Variants in RET observed in about 807,000 individuals in gnomAD.
RET encodes ret proto-oncogene.
In RET, 19 loss-of-function variants were observed where a neutral mutation model predicts 118.3. The ratio of observed to expected loss-of-function variants is 0.16; its 90% CI spans 0.11 to 0.24. RET has a LOEUF of 0.24. RET is among the 10% of genes least tolerant of loss of function. RET has a pLI of 1.00. For missense variants in RET, 1,219 were observed against 1,502.1 expected, an observed-to-expected ratio of 0.81 and a Z score of 3.12; for synonymous variants, 597 against 644.1, an observed-to-expected ratio of 0.93 and a Z score of 1.11.
At chr10:43,120,270 C>T (rs1320392231) in intron 15 of RET, 67 bp downstream of exon 15, 13 of 1,596,018 alleles carry the variant, frequency 8.1e-6, no homozygotes, top group Admixed American at 1.7e-5. Flanking sequence ...CAGGCAGTGC[C>T]CTTGGGAAGC....
Position 43,130,094 on chromosome 10 carries a change from A to T in RET, c.*1825A>T. 1 of 398,084 alleles carries T rather than the reference A, an allele frequency of 2.5e-6. No homozygotes were observed. The allele number at this position is 398,084 out of a possible 1,614,324, so 24.7% of individuals were successfully genotyped here. A position where few individuals can be genotyped will look rare whatever the true frequency, so the allele number is the denominator to read the frequency against. ...TGGGGAATTTATCCTTGACCAATTT[A>T]TCCTTGACCAATAACCTAATTGTCT... On this transcript the variant is annotated 3_prime_UTR_variant, in exon 20 of 20. Coordinates refer to ENST00000355710, the MANE Select transcript of RET (RefSeq NM_020975.6).
chr10:43,105,213 G>A lies in RET; in HGVS notation c.867+20G>A, dbSNP rs768880592. 1 of 1,612,508 alleles carries A rather than the reference G, an allele frequency of 6.2e-7. No individual in the cohort carries two copies. Among genetic ancestry groups the A allele is most frequent in the African/African-American group, 1.3e-5 (1 of 75,036 alleles). ...AAGGAGGTGCTTGTCCGCGCGTGCTGTGGTCTACCCAGTGTCTGTCTCCGG... is the reference window on the plus strand; with the variant it reads ...AAGGAGGTGCTTGTCCGCGCGTGCTATGGTCTACCCAGTGTCTGTCTCCGG... On this transcript the variant is annotated intron_variant, in intron 4 of 19. Transcript: ENST00000355710.
At position 43,130,248 on chromosome 10, in the gene RET, T is replaced by C. The variant is rs1270603112; in HGVS notation, c.*1979T>C. The C allele has an allele frequency of 1.0e-5, 4 of 384,208 alleles. No individual in the cohort carries two copies. The highest frequency in any genetic ancestry group is 1.4e-5 in the Non-Finnish European group (3 of 217,882). 23.8% of individuals were successfully genotyped at this position (384,208 alleles called of 1,614,324 possible). A position where few individuals can be genotyped will look rare whatever the true frequency, so the allele number is the denominator to read the frequency against. On this transcript the variant is annotated 3_prime_UTR_variant, in exon 20 of 20. Coordinates refer to ENST00000355710, the MANE Select transcript of RET (RefSeq NM_020975.6). Reference sequence around the variant, plus strand: ...GTAATCTGTCAGTTATTAAAATTTGTAAAATCTATTTATGAAAGGTCATTA... The same window carrying C: ...GTAATCTGTCAGTTATTAAAATTTGCAAAATCTATTTATGAAAGGTCATTA...
At chr10:43,109,558 G>C (rs114515118) in intron 6 of RET, among the ~76,000 whole-genome samples, 2,407 of 152,346 alleles carry the variant, frequency 0.016, 56 homozygotes, top group African/African-American at 0.054. Flanking sequence ...ATTGGTGAGA[G>C]TGGCTTGCAG....
intron 3 of RET, chr10:43,102,889 G>T: frequency 1.8e-6 from 1 of 569,214 alleles, no homozygotes; most frequent in Non-Finnish European, 3.1e-6. Flanking sequence ...GTCTGAGCAT[G>T]CCAAGGAAAT....
In RET at chr10:43,111,440, G is replaced by T. The variant is rs1416343458; in HGVS notation, c.1497G>T (p.Gln499His). Residue 499 changes from glutamine to histidine, a missense_variant, in exon 7 of 20, where the codon CAG becomes CAT. Gln to His is a conservative substitution (Grantham distance 24). This residue lies in a region of RET where 850 missense variants were observed against 969.6 expected (regional missense o/e 0.88). Transcript: ENST00000355710. ...DQQTSRQAQA[Q>H]LLVTVEGSYV... The stretch of plus-strand genomic sequence containing the variant: ...AGACCTCTAGGCAGGCCCAGGCCCA[G>T]CTGCTTGTAACAGTGGAGGGGTCAT... 1.2e-6 allele frequency: 2 copies of T among 1,613,598 alleles called. No individual in the cohort carries two copies. Among genetic ancestry groups the T allele is most frequent in the Non-Finnish European group, 1.7e-6 (2 of 1,179,946 alleles).
At chr10:43,099,967 C>T (rs1032940862) in intron 1 of RET, among the ~76,000 whole-genome samples, 1 of 152,264 alleles carries the variant, frequency 6.6e-6, no homozygotes, top group Non-Finnish European at 1.5e-5. Context: ...ATCATCCTTC[C>T]ATTTCCAACT....
intron 1 of RET, among the ~76,000 whole-genome samples, chr10:43,094,282 C>T (rs187435024): frequency 2.2e-4 from 34 of 152,158 alleles, no homozygotes; most frequent in Non-Finnish European, 4.9e-4. Flanking sequence ...AGGAAATCGT[C>T]TCTTAAGGAG....
chr10:43,112,726 T>C, intron 8 of RET, 127 bp from the exon 9 acceptor site: 25 of 746,244 alleles, frequency 3.4e-5, no homozygotes, highest in South Asian at 3.3e-4. Flanking sequence ...CAAGGCTCTG[T>C]ATATGGTGTT....
In RET at chr10:43,093,894, C is replaced by T. The variant is rs1837462828; in HGVS notation, c.74-6565C>T. 1.3e-5 allele frequency among the ~76,000 whole-genome samples: 2 copies of T among 152,104 alleles called. 1 individual carries two copies. Among genetic ancestry groups the T allele is most frequent in the South Asian group, 4.1e-4 (2 of 4,820 alleles). ...GCAAGAAGAAGGCCAGGCGCAGGCT[C>T]CTGCTGGTGGGGGTGGGACACAGTG... On this transcript the variant is annotated intron_variant, in intron 1 of 19. Transcript: ENST00000355710.
intron 1 of RET, among the ~76,000 whole-genome samples, chr10:43,082,997 C>G (rs1156769437): frequency 6.6e-6 from 1 of 152,188 alleles, no homozygotes; most frequent in Non-Finnish European, 1.5e-5. Context: ...TCCTCTTGCT[C>G]TGTTCCCCTT....
Position 43,119,623 on chromosome 10 carries a change from A to C in RET, c.2485A>C (p.Ser829Arg), listed in dbSNP as rs113005278. 1 of 1,612,892 alleles carries C rather than the reference A, an allele frequency of 6.2e-7. No homozygotes were observed. Among genetic ancestry groups the C allele is most frequent in the Admixed American group, 1.7e-5 (1 of 60,020 alleles). ...CAAAGTGGGGCCTGGCTACCTGGGC[A>C]GTGGAGGCAGCCGCAACTCCAGCTC... is the stretch of plus-strand genomic sequence containing the variant. ...SRKVGPGYLG[S>R]GGSRNSSSLD... is the part of the protein sequence containing the mutation. The change falls in exon 14 of 20, where the codon AGT becomes CGT. Residue 829 changes from serine (S) to arginine (R), a missense_variant. Transcript: ENST00000355710.
intron 1 of RET, among the ~76,000 whole-genome samples, chr10:43,092,557 T>G (rs1461301480): frequency 6.6e-5 from 10 of 152,250 alleles, no homozygotes; most frequent in African/African-American, 2.4e-4. Context: ...AGAGCCTCCC[T>G]TGATCCGTGT....
intron 13 of RET, among the ~76,000 whole-genome samples, chr10:43,118,698 C>T (rs986644224): frequency 6.6e-5 from 10 of 152,256 alleles, no homozygotes; most frequent in African/African-American, 1.4e-4. Context: ...CCCGCGCTAG[C>T]GGCACTCCCT....
chr10:43,124,895 G>A lies in RET; in HGVS notation c.2952G>A (p.Met984Ile). The change falls in exon 18 of 20, where the codon ATG becomes ATA. Residue 984 changes from methionine (M) to isoleucine (I), a missense_variant. Around this residue, in one of 5 missense-constraint regions of RET, gnomAD observed 174 missense variants for 179.3 expected, o/e 0.97. Coordinates refer to ENST00000355710, the MANE Select transcript of RET (RefSeq NM_020975.6). ...DNCSEEMYRLMLQCWKQEPDK... is the reference protein window; with the variant it reads ...DNCSEEMYRLILQCWKQEPDK... ...CTCTTCCCACCAGGTACCGCCTGAT[G>A]CTGCAATGCTGGAAGCAGGAGCCGG... 6.2e-7 allele frequency: 1 copy of A among 1,614,134 alleles called. No homozygotes were observed. The highest frequency in any genetic ancestry group is 8.5e-7 in the Non-Finnish European group (1 of 1,180,046).
intron 17 of RET, 75 bp downstream of exon 17, chr10:43,123,883 A>T: frequency 6.2e-7 from 1 of 1,606,480 alleles, no homozygotes; most frequent in Non-Finnish European, 8.5e-7. Context: ...CTCCCCATCC[A>T]GAGCAGCCCC....
intron 11 of RET, 55 bp from the exon 12 acceptor site, chr10:43,116,527 CCT>C (rs1177246014): frequency 6.2e-7 from 1 of 1,603,646 alleles, no homozygotes; most frequent in Non-Finnish European, 8.5e-7. Context: ...TTCTTCCTCC[CCT>C]GTCATCCTCA....
chr10:43,079,814 G>T (rs1313496422), intron 1 of RET, among the ~76,000 whole-genome samples: 1 of 152,184 alleles, frequency 6.6e-6, no homozygotes, highest in Admixed American at 6.5e-5. Flanking sequence ...TGAAGCACCA[G>T]GTATCAGCGC....
rs149266465 is a variant in RET, at chr10:43,107,288, A to C, written c.1063+717A>C. On this transcript the variant is annotated intron_variant, in intron 5 of 19. Transcript: ENST00000355710. ...AGCCTATGGAGGCCCCACTTGTCAGAGGGGAGACAGCCTCCTTGCCCTGGC... is the reference window on the plus strand; with the variant it reads ...AGCCTATGGAGGCCCCACTTGTCAGCGGGGAGACAGCCTCCTTGCCCTGGC... Among the ~76,000 whole-genome samples, 473 of 152,178 alleles carry C rather than the reference A, an allele frequency of 3.1e-3. 2 individuals carry two copies. Among genetic ancestry groups the C allele is most frequent in the Non-Finnish European group, 4.3e-3 (295 of 68,010 alleles).
Sources: allele counts gnomAD v4.1 joint callset (sites outside exome capture counted in the v4.1 genomes callset), GRCh38; gene constraint gnomAD v4.1.1; regional missense constraint gnomAD v4.1.1; transcripts MANE v1.5; gene names NCBI Gene and HGNC (gene_info 2026-07-23, HGNC 2026-07-21).